Variants in TSHZ2 observed in about 807,000 individuals in gnomAD.
The protein encoded by TSHZ2 is teashirt homolog 2.
TSHZ2 carries 21 observed loss-of-function variants against 74.4 expected under a neutral mutation model. That is an observed-to-expected ratio of 0.28 (90% confidence interval 0.20 to 0.41). The LOEUF (loss-of-function observed/expected upper bound fraction) is 0.41. Ranked by LOEUF, TSHZ2 falls within the 10% of genes least tolerant of loss-of-function variation. TSHZ2 has a pLI of 1.00. For synonymous variants in TSHZ2, 540 were observed against 515.3 expected (o/e 1.05, Z -0.65); for missense variants, 1,244 against 1,293.5 (o/e 0.96, Z 0.59).
rs1180756595 is a variant in TSHZ2 at position 53,492,939 on chromosome 20, C to G, written c.*5804C>G. ...ATTTTCAAAGAAAAATGACTGCAACCATGCCTGTAGAATGTTTCTGTGCAA... is the reference window on the plus strand; with the variant it reads ...ATTTTCAAAGAAAAATGACTGCAACGATGCCTGTAGAATGTTTCTGTGCAA... On this transcript the variant is annotated 3_prime_UTR_variant, in exon 3 of 3. Transcript: ENST00000371497. 1 of 152,144 alleles carries G rather than the reference C, an allele frequency of 6.6e-6. No homozygotes were observed. Among genetic ancestry groups the G allele is most frequent in the East Asian group, 1.9e-4 (1 of 5,198 alleles). The allele number at this position is 152,144 out of a possible 1,614,324, so 9.4% of individuals were successfully genotyped here. A position where few individuals can be genotyped will look rare whatever the true frequency, so the allele number is the denominator to read the frequency against.
chr20:53,357,061 C>G (rs73620444), intron 2 of TSHZ2, among the ~76,000 whole-genome samples: 9,270 of 152,036 alleles, frequency 0.061, 576 homozygotes, highest in East Asian at 0.29. Flanking sequence ...AAATCAAAAC[C>G]AAAGGGACAG....
At chr20:53,405,248 C>CAAAAAAAAAAAAAAA (rs796097312) in intron 2 of TSHZ2, among the ~76,000 whole-genome samples, 7 of 143,386 alleles carry the variant, frequency 4.9e-5, no homozygotes, top group East Asian at 2.1e-4. Context: ...GACTCTGTCT[C>CAAAAAAAAAAAAAAA]AAAAAAAAAA....
At chr20:53,403,558 C>T (rs545477814) in intron 2 of TSHZ2, among the ~76,000 whole-genome samples, 64 of 152,300 alleles carry the variant, frequency 4.2e-4, no homozygotes, top group African/African-American at 1.5e-3. Context: ...CACATCTGGT[C>T]TGTGTCCTCC....
chr20:52,977,637 C>T (rs1981396735), intron 1 of TSHZ2, among the ~76,000 whole-genome samples: 1 of 152,166 alleles, frequency 6.6e-6, no homozygotes, highest in Non-Finnish European at 1.5e-5. Context: ...TTTCCCACCC[C>T]CGTCTTGATT....
At chr20:52,973,439 G>A (rs1321933780) in intron 1 of TSHZ2, 106 bp downstream of exon 1, 4 of 1,434,434 alleles carry the variant, frequency 2.8e-6, no homozygotes, top group East Asian at 5.1e-5. Flanking sequence ...GCTTTCGGGG[G>A]AGTTTGCGCC....
At chr20:53,144,051 A>T (rs1171470194) in intron 1 of TSHZ2, among the ~76,000 whole-genome samples, 1 of 152,162 alleles carries the variant, frequency 6.6e-6, no homozygotes, top group Non-Finnish European at 1.5e-5. Flanking sequence ...TTCTGGGTGG[A>T]GGCCACAAGA....
chr20:53,238,836 T>TAAAAAAA (rs746136673), intron 1 of TSHZ2, among the ~76,000 whole-genome samples: 4 of 66,014 alleles, frequency 6.1e-5, no homozygotes, highest in Non-Finnish European at 8.4e-5. Flanking sequence ...ATCTTATATC[T>TAAAAAAA]AAAAAAAAAA....
chr20:53,262,236 A>C (rs772656333), intron 2 of TSHZ2, among the ~76,000 whole-genome samples: 2 of 150,252 alleles, frequency 1.3e-5, no homozygotes, highest in Non-Finnish European at 3.0e-5. Flanking sequence ...TTTTTTAACT[A>C]TCAAGTTTAA....
At chr20:53,207,864 T>C (rs1353229288) in intron 1 of TSHZ2, among the ~76,000 whole-genome samples, 1 of 145,934 alleles carries the variant, frequency 6.9e-6, no homozygotes, top group East Asian at 2.0e-4. Context: ...TTTACTTTTT[T>C]TTTTTTTTTT....
intron 1 of TSHZ2, among the ~76,000 whole-genome samples, chr20:53,156,841 A>C (rs2123453426): frequency 6.6e-6 from 1 of 152,370 alleles, no homozygotes; most frequent in Non-Finnish European, 1.5e-5. Context: ...TTATAAGATA[A>C]CGTTTCTGTA....
rs1990495830 is a variant in TSHZ2 at position 53,256,933 on chromosome 20, C to T, written c.*8+362C>T. ...TAGATACTAACTTCTGTCACCATTC[C>T]ATTTCACCACCCCACCTTTCCATAG... On this transcript the variant is annotated intron_variant, in intron 2 of 2. Transcript: ENST00000371497. The surrounding 1 kb of genome is among the most constrained non-coding windows in gnomAD (Gnocchi z 4.3). Among the ~76,000 whole-genome samples the T allele has an allele frequency of 6.6e-6, 1 of 152,200 alleles. No individual in the cohort carries two copies. Among genetic ancestry groups the T allele is most frequent in the Non-Finnish European group, 1.5e-5 (1 of 68,036 alleles).
chr20:53,072,032 C>G (rs954249417), intron 1 of TSHZ2, among the ~76,000 whole-genome samples: 1 of 152,166 alleles, frequency 6.6e-6, no homozygotes, highest in Admixed American at 6.5e-5. Flanking sequence ...CTAAACATCC[C>G]GTAATGCACA....
intron 1 of TSHZ2, among the ~76,000 whole-genome samples, chr20:53,141,810 T>G (rs565664114): frequency 6.6e-6 from 1 of 152,350 alleles, no homozygotes; most frequent in East Asian, 1.9e-4. Context: ...GATGAAGTGT[T>G]CCTGCTGATA....
intron 1 of TSHZ2, among the ~76,000 whole-genome samples, chr20:53,208,970 C>T (rs1009249208): frequency 1.3e-5 from 2 of 152,218 alleles, no homozygotes; most frequent in African/African-American, 4.8e-5. Context: ...AGAGCTTTGC[C>T]TCTACCAGGA....
chr20:53,084,693 CT>C (rs1985642086), intron 1 of TSHZ2, among the ~76,000 whole-genome samples: 2 of 23,320 alleles, frequency 8.6e-5, no homozygotes, highest in East Asian at 3.8e-3. Flanking sequence ...CTCCCTCCCT[CT>C]CTCCCTCTCT....
Position 53,042,013 on chromosome 20 carries a change from T to C in TSHZ2, c.40+68680T>C, listed in dbSNP as rs543200236. ...ATTCTGAGATTTTCCTGGAAGGAAA[T>C]AAGCCTCTCCTACATTGCAGCATAT... On this transcript the variant is annotated intron_variant, in intron 1 of 2. Coordinates refer to ENST00000371497, the MANE Select transcript of TSHZ2 (RefSeq NM_173485.6). Among the ~76,000 whole-genome samples the C allele has an allele frequency of 2.0e-5, 3 of 152,116 alleles. No homozygotes were observed. In the South Asian group the frequency reaches 6.2e-4, roughly 32 times the overall value.
intron 1 of TSHZ2, among the ~76,000 whole-genome samples, chr20:53,015,580 C>G (rs1052395084): frequency 1.3e-5 from 2 of 152,154 alleles, no homozygotes; most frequent in African/African-American, 4.8e-5. Flanking sequence ...TTCTCATGGT[C>G]TCAAATAGCA....
chr20:53,323,578 T>TTTTTTC, intron 2 of TSHZ2, among the ~76,000 whole-genome samples: 1 of 123,284 alleles, frequency 8.1e-6, no homozygotes, highest in Non-Finnish European at 1.7e-5. Context: ...TTTTTTTTTT[T>TTTTTTC]TTTTTTTTTT....
At chr20:53,277,891 T>G (rs67001731) in intron 2 of TSHZ2, among the ~76,000 whole-genome samples, 22,347 of 152,142 alleles carry the variant, frequency 0.15, 2,010 homozygotes, top group African/African-American at 0.24. Flanking sequence ...TTTGATGTCA[T>G]TGTTGCTTGG....
Sources: gnomAD v4.1 joint callset for allele counts (sites outside exome capture counted in the v4.1 genomes callset) on GRCh38, gnomAD v4.1.1 for gene constraint, Gnocchi (gnomAD v3.1) non-coding constraint, MANE v1.5 for transcripts, NCBI Gene and HGNC (gene_info 2026-07-23, HGNC 2026-07-21) for gene names.